Variants in TENM4 observed in about 807,000 individuals in gnomAD.
TENM4 encodes teneurin-4.
In TENM4, 82 loss-of-function variants were observed where a neutral mutation model predicts 243.3. The observed-to-expected ratio is 0.34, with a 90% CI of 0.28 to 0.40. The LOEUF (loss-of-function observed/expected upper bound fraction) is 0.40, where lower values mean the gene tolerates loss of function less well. Ranked by LOEUF, TENM4 falls within the 10% of genes least tolerant of loss-of-function variation. TENM4 has a pLI of 1.00. For missense variants in TENM4, 3,138 were observed against 3,673.3 expected (o/e 0.85, Z 3.77); for synonymous variants, 1,412 against 1,456.3 (o/e 0.97, Z 0.69).
chr11:78,741,476 C>T (rs542021205), intron 19 of TENM4, among the ~76,000 whole-genome samples: 2 of 152,224 alleles, frequency 1.3e-5, no homozygotes, highest in South Asian at 2.1e-4. Flanking sequence ...GTACTGCCAC[C>T]GTGGAGACGC....
At chr11:78,977,329 A>T (rs7948367) in intron 6 of TENM4, among the ~76,000 whole-genome samples, 13,171 of 152,224 alleles carry the variant, frequency 0.087, 1,117 homozygotes, top group African/African-American at 0.22. Flanking sequence ...GAGGTACTGG[A>T]GATTAGGACT....
At chr11:78,788,818 C>T (rs565890127) in intron 15 of TENM4, among the ~76,000 whole-genome samples, 1 of 152,302 alleles carries the variant, frequency 6.6e-6, no homozygotes, top group East Asian at 1.9e-4. Flanking sequence ...TCAGTTTCCT[C>T]ATCTGTTGCA....
At chr11:79,011,125 T>C (rs1858630617) in intron 6 of TENM4, among the ~76,000 whole-genome samples, 1 of 152,216 alleles carries the variant, frequency 6.6e-6, no homozygotes, top group Admixed American at 6.5e-5. Flanking sequence ...CTACCCTGAA[T>C]GTATGCTTTA....
intron 14 of TENM4, among the ~76,000 whole-genome samples, chr11:78,809,675 A>G (rs1857457248): frequency 6.6e-6 from 1 of 152,178 alleles, no homozygotes; most frequent in South Asian, 2.1e-4. Flanking sequence ...AGTAGGAGCA[A>G]TGGTCAGGGA....
intron 25 of TENM4, among the ~76,000 whole-genome samples, chr11:78,716,846 C>T (rs1283407121): frequency 2.0e-5 from 3 of 152,212 alleles, no homozygotes; most frequent in Non-Finnish European, 4.4e-5. Flanking sequence ...CTAACAATCC[C>T]CAGAGCAGGC....
chr11:79,315,722 G>T (rs1856792552), intron 1 of TENM4, among the ~76,000 whole-genome samples: 1 of 152,208 alleles, frequency 6.6e-6, no homozygotes, highest in South Asian at 2.1e-4. Flanking sequence ...AAGATGCACT[G>T]CTCAAAGCCA....
chr11:79,420,268 C>T (rs1297906425), intron 1 of TENM4, among the ~76,000 whole-genome samples: 1 of 152,060 alleles, frequency 6.6e-6, no homozygotes, highest in African/African-American at 2.4e-5. Flanking sequence ...AGGGTTAGAA[C>T]AAAAACGCAT....
chr11:79,283,793 G>A (rs1206304031), intron 2 of TENM4, among the ~76,000 whole-genome samples: 14 of 151,982 alleles, frequency 9.2e-5, no homozygotes, highest in Non-Finnish European at 1.9e-4. Context: ...CAATAACAAG[G>A]TCTTATATAT....
chr11:78,722,200 G>C (rs929612644), intron 24 of TENM4, among the ~76,000 whole-genome samples: 5 of 152,162 alleles, frequency 3.3e-5, no homozygotes, highest in African/African-American at 1.2e-4. Context: ...TTTTTTTGCA[G>C]ATGGGGGTCT....
In TENM4 at chr11:79,420,804, A is replaced by G. The variant is rs978642146; in HGVS notation, c.-321+19705T>C. ...AAAATATTTGAAACCTAGTCCCTGG[A>G]GCTGGGATGGGACAGAGGTAGGAGC... On this transcript the variant is annotated intron_variant, in intron 1 of 33. Coordinates refer to ENST00000278550, the MANE Select transcript of TENM4 (RefSeq NM_001098816.3). 5.9e-5 allele frequency among the ~76,000 whole-genome samples: 9 copies of G among 152,310 alleles called. No homozygotes were observed. In the South Asian group the frequency reaches 1.9e-3, roughly 32 times the overall value.
intron 6 of TENM4, among the ~76,000 whole-genome samples, chr11:79,040,000 A>G (rs181256232): frequency 1.1e-4 from 16 of 150,982 alleles, no homozygotes; most frequent in Non-Finnish European, 1.8e-4. Flanking sequence ...GACCACTACT[A>G]TATTCTCGGC....
At chr11:79,310,466 C>T (rs143472051) in intron 1 of TENM4, among the ~76,000 whole-genome samples, 130 of 152,338 alleles carry the variant, frequency 8.5e-4, no homozygotes, top group African/African-American at 2.7e-3. Context: ...AGCCTGAATA[C>T]GCACTCATAT....
chr11:79,010,390 G>A (rs1477255095), intron 6 of TENM4, among the ~76,000 whole-genome samples: 1 of 152,008 alleles, frequency 6.6e-6, no homozygotes. Flanking sequence ...GGAGACTTGG[G>A]GAGGCCAGGG....
Position 78,997,767 on chromosome 11 carries a change from T to G in TENM4, c.493+66971A>C, listed in dbSNP as rs115739092. ...GCGTCTATTATGGGTTGAATGTATG[T>G]GTCCCTTTAGAATTTACATGTTGAA... On this transcript the variant is annotated intron_variant, in intron 6 of 33. Transcript: ENST00000278550. Among the ~76,000 whole-genome samples, 1,472 of 152,334 alleles carry G rather than the reference T, an allele frequency of 9.7e-3. 15 individuals are homozygous for G. The highest frequency in any genetic ancestry group is 0.033 in the African/African-American group (1,368 of 41,576).
chr11:79,079,767 G>A (rs1860618958), intron 4 of TENM4, among the ~76,000 whole-genome samples: 1 of 149,934 alleles, frequency 6.7e-6, no homozygotes, highest in Non-Finnish European at 1.5e-5. Context: ...AGTTGGAGGA[G>A]GTTGCAGTGA....
chr11:79,085,757 G>C (rs1044188973), intron 4 of TENM4, among the ~76,000 whole-genome samples: 1 of 139,022 alleles, frequency 7.2e-6, no homozygotes, highest in Non-Finnish European at 1.6e-5. Flanking sequence ...AAAACACCAA[G>C]GTTGAAAATT....
At chr11:79,371,328 T>G (rs1352238017) in intron 1 of TENM4, among the ~76,000 whole-genome samples, 1 of 152,200 alleles carries the variant, frequency 6.6e-6, no homozygotes, top group Non-Finnish European at 1.5e-5. Context: ...TAGGAGGCAC[T>G]GGGTGATGCC....
At chr11:79,204,151 A>G (rs1453129476) in intron 3 of TENM4, among the ~76,000 whole-genome samples, 1 of 152,102 alleles carries the variant, frequency 6.6e-6, no homozygotes, top group African/African-American at 2.4e-5. Flanking sequence ...GTTAATGGGT[A>G]TGGGTTCTTT....
At chr11:78,990,984 G>T (rs1386915159) in intron 6 of TENM4, among the ~76,000 whole-genome samples, 1 of 152,170 alleles carries the variant, frequency 6.6e-6, no homozygotes, top group African/African-American at 2.4e-5. Context: ...TAGCAGTGCT[G>T]TTAGGACACA....
Sources: allele counts gnomAD v4.1 joint callset (sites outside exome capture counted in the v4.1 genomes callset), GRCh38; gene constraint gnomAD v4.1.1; transcripts MANE v1.5; gene names NCBI Gene and HGNC (gene_info 2026-07-23, HGNC 2026-07-21).